Variants in AGPAT4 observed in about 807,000 individuals in gnomAD.
The protein encoded by AGPAT4 is 1-acylglycerol-3-phosphate O-acyltransferase 4, also known as 1-acyl-sn-glycerol-3-phosphate acyltransferase delta.
A neutral mutation model predicts 48.0 loss-of-function variants in AGPAT4; 15 were observed. The observed-to-expected ratio is 0.31, with a 90% CI of 0.21 to 0.48. The LOEUF is 0.48. AGPAT4 is among the 20% of genes least tolerant of loss of function. The probability of loss-of-function intolerance (pLI) is 0.99; values close to 1 mark genes in which losing one functional copy is unlikely to be tolerated. For synonymous variants in AGPAT4, 178 were observed against 198.7 expected, an observed-to-expected ratio of 0.90 and a Z score of 0.88; for missense variants, 314 against 482.5, an observed-to-expected ratio of 0.65 and a Z score of 3.27.
chr6:161,167,382 T>C (rs1780133500), intron 2 of AGPAT4, among the ~76,000 whole-genome samples: 1 of 152,116 alleles, frequency 6.6e-6, no homozygotes, highest in Non-Finnish European at 1.5e-5. Flanking sequence ...TGCACCACCA[T>C]GCCCAGCTAA....
chr6:161,163,779 C>T (rs1330457263), intron 3 of AGPAT4, among the ~76,000 whole-genome samples: 1 of 152,184 alleles, frequency 6.6e-6, no homozygotes. Flanking sequence ...TAGCAAGAAT[C>T]CAGAAAACCC....
rs1017276672 is a variant in AGPAT4, at chr6:161,219,502, C to T, written c.178+12534G>A. Among the ~76,000 whole-genome samples the T allele has an allele frequency of 2.6e-5, 4 of 152,020 alleles. No homozygotes were observed. The highest frequency in any genetic ancestry group is 7.2e-5 in the African/African-American group (3 of 41,388). ...CTGCACCATGAAGACCACACACGATCGCCTTATAACCTTACAAGACACCAA... is the reference window on the plus strand; with the variant it reads ...CTGCACCATGAAGACCACACACGATTGCCTTATAACCTTACAAGACACCAA... On this transcript the variant is annotated intron_variant, in intron 2 of 8. Coordinates refer to ENST00000320285, the MANE Select transcript of AGPAT4 (RefSeq NM_020133.3). The surrounding 1 kb of genome is among the most constrained non-coding windows in gnomAD (Gnocchi z 4.9).
rs1582923769 is a variant in AGPAT4 at position 161,267,832 on chromosome 6, G to C, written c.-90+6106C>G. Among the ~76,000 whole-genome samples the C allele has an allele frequency of 6.6e-6, 1 of 152,290 alleles. No homozygotes were observed. Among genetic ancestry groups the C allele is most frequent in the African/African-American group, 2.4e-5 (1 of 41,570 alleles). On this transcript the variant is annotated intron_variant, in intron 1 of 8. Coordinates refer to ENST00000320285, the MANE Select transcript of AGPAT4 (RefSeq NM_020133.3). The surrounding 1 kb of genome is among the most constrained non-coding windows in gnomAD (Gnocchi z 5.2). ...GATTGCTTGAGCCCAGGAATTCAAG[G>C]CCAGCTTGAGCAACAAAGTGAGACT...
chr6:161,153,586 C>T (rs1779656403), intron 4 of AGPAT4, 87 bp from the exon 5 acceptor site: 1 of 1,500,724 alleles, frequency 6.7e-7, no homozygotes. Context: ...CACACACAGC[C>T]CCAGGGTCAC....
rs1779272144 is a variant in AGPAT4 at position 161,142,133 on chromosome 6, C to T, written c.844-2513G>A. On this transcript the variant is annotated intron_variant, in intron 7 of 8. Transcript: ENST00000320285. The surrounding 1 kb of genome is among the most constrained non-coding windows in gnomAD (Gnocchi z 6.4). ...CCTCCCAAAGTGTTGGGATTACAGGCGTGAGCCATTGCGCCCAGCCCCATT... is the reference window on the plus strand; with the variant it reads ...CCTCCCAAAGTGTTGGGATTACAGGTGTGAGCCATTGCGCCCAGCCCCATT... 6.6e-6 allele frequency among the ~76,000 whole-genome samples: 1 copy of T among 152,200 alleles called. No individual in the cohort carries two copies. The highest frequency in any genetic ancestry group is 1.5e-5 in the Non-Finnish European group (1 of 68,048).
Position 161,149,131 on chromosome 6 carries a change from T to A in AGPAT4, c.767+56A>T. 2 of 1,586,278 alleles carry A rather than the reference T, an allele frequency of 1.3e-6. No individual in the cohort carries two copies. Among genetic ancestry groups the A allele is most frequent in the South Asian group, 2.3e-5 (2 of 85,464 alleles). On this transcript the variant is annotated intron_variant, in intron 6 of 8. Transcript: ENST00000320285. This position sits in a 1 kb window ranked among gnomAD's most constrained non-coding sequence, Gnocchi z 6.5. The stretch of plus-strand genomic sequence containing the variant: ...AAGAAAGTCTCTAGGTCATTTGTGA[T>A]GTGTTTACTTTGAAATGGGCACTGT...
chr6:161,147,703 T>A lies in AGPAT4; in HGVS notation c.768-1104A>T, dbSNP rs1488717230. Among the ~76,000 whole-genome samples, 1 of 152,200 alleles carries A rather than the reference T, an allele frequency of 6.6e-6. No homozygotes were observed. Among genetic ancestry groups the A allele is most frequent in the Admixed American group, 6.5e-5 (1 of 15,284 alleles). The stretch of plus-strand genomic sequence containing the variant: ...CCTACGCACACTGCACTTCTCTGGA[T>A]CCTCTACTTCTTTGCTGTTTGATCT... On this transcript the variant is annotated intron_variant, in intron 6 of 8. Coordinates refer to ENST00000320285, the MANE Select transcript of AGPAT4 (RefSeq NM_020133.3). The surrounding 1 kb of genome is among the most constrained non-coding windows in gnomAD (Gnocchi z 4.8).
chr6:161,153,580 CA>C (rs1295827419), intron 4 of AGPAT4, 81 bp from the exon 5 acceptor site: 13 of 1,529,038 alleles, frequency 8.5e-6, no homozygotes, highest in Non-Finnish European at 1.1e-5. Flanking sequence ...TGGGGTCACA[CA>C]CAGCCCCAGG....
In AGPAT4 at chr6:161,143,934, G is replaced by C. The variant is rs1779333854; in HGVS notation, c.843+2590C>G. 1 of 297,602 alleles carries C rather than the reference G, an allele frequency of 3.4e-6. No homozygotes were observed. Among genetic ancestry groups the C allele is most frequent in the South Asian group, 2.9e-5 (1 of 34,876 alleles). 18.4% of individuals were successfully genotyped at this position (297,602 alleles called of 1,614,324 possible). ...GAAATTGAAAAGTCAGAGAACTACT[G>C]CCCTAAAATCCCAAGGTCAAAATCA... On this transcript the variant is annotated intron_variant, in intron 7 of 8. Coordinates refer to ENST00000320285, the MANE Select transcript of AGPAT4 (RefSeq NM_020133.3). The surrounding 1 kb of genome is among the most constrained non-coding windows in gnomAD (Gnocchi z 4.7).
intron 1 of AGPAT4, among the ~76,000 whole-genome samples, chr6:161,263,645 C>A (rs980349660): frequency 2.0e-5 from 3 of 152,144 alleles, no homozygotes; most frequent in African/African-American, 4.8e-5. Flanking sequence ...CTGGTCCTCT[C>A]CCCCGACCTC....
rs777027541 is a variant in AGPAT4 at position 161,262,097 on chromosome 6, T to C, written c.-90+11841A>G. On this transcript the variant is annotated intron_variant, in intron 1 of 8. Coordinates refer to ENST00000320285, the MANE Select transcript of AGPAT4 (RefSeq NM_020133.3). This position sits in a 1 kb window ranked among gnomAD's most constrained non-coding sequence, Gnocchi z 4.9. ...TCATCACTGTGCCATCACCACAGCC[T>C]GGGCCCTGGCTCTGGGTTTCTTTTT... 3.3e-5 allele frequency among the ~76,000 whole-genome samples: 5 copies of C among 152,166 alleles called. No homozygotes were observed. The highest frequency in any genetic ancestry group is 7.4e-5 in the Non-Finnish European group (5 of 68,024).
chr6:161,136,666 A>C, intron 8 of AGPAT4, 32 bp from the exon 9 acceptor site: 1 of 1,591,660 alleles, frequency 6.3e-7, no homozygotes, highest in Non-Finnish European at 8.6e-7. Flanking sequence ...AGTTAGGAGT[A>C]GCCCAAACAG....
intron 2 of AGPAT4, among the ~76,000 whole-genome samples, chr6:161,175,543 C>T (rs945356980): frequency 6.6e-6 from 1 of 151,324 alleles, no homozygotes; most frequent in African/African-American, 2.4e-5. Context: ...CTCTCTTAGT[C>T]TTCTTAGTGG....
rs1201537074 is a variant in AGPAT4 at position 161,218,117 on chromosome 6, T to TG, written c.178+13918dup. On this transcript the variant is annotated intron_variant, in intron 2 of 8. Coordinates refer to ENST00000320285, the MANE Select transcript of AGPAT4 (RefSeq NM_020133.3). The surrounding 1 kb of genome is among the most constrained non-coding windows in gnomAD (Gnocchi z 4.7). ...CTTCTGGCAAGAGAACCACATGCCC[T>TG]GGGGTGGACATACAACCTGCACAAG... Among the ~76,000 whole-genome samples the TG allele has an allele frequency of 1.3e-5, 2 of 152,240 alleles. No individual in the cohort carries two copies. The highest frequency in any genetic ancestry group is 2.9e-5 in the Non-Finnish European group (2 of 68,040).
rs1482737295 is a variant in AGPAT4 at position 161,161,014 on chromosome 6, C to A, written c.348+5234G>T. ...ATGGGGCATCAGAGGGCCCTAAGCA[C>A]AGAGCACGAAAGGGGGACAGTTCAT... On this transcript the variant is annotated intron_variant, in intron 3 of 8. Coordinates refer to ENST00000320285, the MANE Select transcript of AGPAT4 (RefSeq NM_020133.3). This position sits in a 1 kb window ranked among gnomAD's most constrained non-coding sequence, Gnocchi z 4.6. 2.4e-6 allele frequency: 1 copy of A among 415,722 alleles called. No homozygotes were observed. Among genetic ancestry groups the A allele is most frequent in the East Asian group, 7.0e-5 (1 of 14,276 alleles). 25.8% of individuals were successfully genotyped at this position (415,722 alleles called of 1,614,324 possible). A position where few individuals can be genotyped will look rare whatever the true frequency, so the allele number is the denominator to read the frequency against.
intron 2 of AGPAT4, among the ~76,000 whole-genome samples, chr6:161,192,532 T>C (rs11963457): frequency 6.6e-6 from 1 of 152,214 alleles, no homozygotes; most frequent in Admixed American, 6.5e-5. Flanking sequence ...TCTAATATTG[T>C]CCTTCTAATT....
chr6:161,153,431 C>T lies in AGPAT4; in HGVS notation c.579G>A (p.Arg193=). The change falls in exon 5 of 9, where the codon CGG becomes CGA. Residue 193 remains arginine, a synonymous_variant. Coordinates refer to ENST00000320285, the MANE Select transcript of AGPAT4 (RefSeq NM_020133.3). ...GCTTGAGGCGAGGCAGCCCCTTGGC[C>T]CGGGCCACCTGCATGCTGATCTCAT... ...KKHEISMQVA[R]AKGLPRLKHH... 1 of 1,612,426 alleles carries T rather than the reference C, an allele frequency of 6.2e-7. No homozygotes were observed. Among genetic ancestry groups the T allele is most frequent in the Non-Finnish European group, 8.5e-7 (1 of 1,179,398 alleles).
chr6:161,236,422 G>A lies in AGPAT4; in HGVS notation c.-89-4120C>T, dbSNP rs1016574931. ...TCCCATCAGTGAGCTCAGAAGCAGCGTTTAACCTTTACTTTTTCCTGAAAT... is the reference window on the plus strand; with the variant it reads ...TCCCATCAGTGAGCTCAGAAGCAGCATTTAACCTTTACTTTTTCCTGAAAT... On this transcript the variant is annotated intron_variant, in intron 1 of 8. Transcript: ENST00000320285. This position sits in a 1 kb window ranked among gnomAD's most constrained non-coding sequence, Gnocchi z 5.0. 5.3e-5 allele frequency among the ~76,000 whole-genome samples: 8 copies of A among 152,150 alleles called. No individual in the cohort carries two copies. The East Asian group carries it at 7.7e-4, about 15-fold the overall frequency.
rs562288475 is a variant in AGPAT4, at chr6:161,240,750, G to A, written c.-89-8448C>T. Among the ~76,000 whole-genome samples, 9 of 152,194 alleles carry A rather than the reference G, an allele frequency of 5.9e-5. No homozygotes were observed. Among genetic ancestry groups the A allele is most frequent in the East Asian group, 1.9e-4 (1 of 5,172 alleles). On this transcript the variant is annotated intron_variant, in intron 1 of 8. Transcript: ENST00000320285. This position sits in a 1 kb window ranked among gnomAD's most constrained non-coding sequence, Gnocchi z 5.5. ...CAGATTGCCAGCACTCCTTCAGGTC[G>A]GATGAATGTGGCCAAAGTCTCCACC...
Sources: gnomAD v4.1 joint callset for allele counts (sites outside exome capture counted in the v4.1 genomes callset) on GRCh38, gnomAD v4.1.1 for gene constraint, Gnocchi (gnomAD v3.1) non-coding constraint, MANE v1.5 for transcripts, NCBI Gene and HGNC (gene_info 2026-07-23, HGNC 2026-07-21) for gene names.